Variants in DPP10 observed in about 807,000 individuals in gnomAD.
The protein encoded by DPP10 is dipeptidyl peptidase like 10, also known as inactive dipeptidyl peptidase 10.
In DPP10, 33 loss-of-function variants were observed where a neutral mutation model predicts 120.9. That is an observed-to-expected ratio of 0.27 (90% CI 0.21 to 0.37). The LOEUF is 0.37. Among genes scored for constraint, DPP10 ranks in the 10% least tolerant of loss-of-function variants. The probability of loss-of-function intolerance (pLI) is 1.00; values close to 1 mark genes in which losing one functional copy is unlikely to be tolerated. For synonymous variants in DPP10, 337 were observed against 326.1 expected (o/e 1.03, Z -0.36); for missense variants, 816 against 942.8 (o/e 0.87, Z 1.76).
At chr2:114,585,646 G>A (rs1375955712) in intron 1 of DPP10, among the ~76,000 whole-genome samples, 5 of 152,180 alleles carry the variant, frequency 3.3e-5, no homozygotes, top group African/African-American at 1.2e-4. Flanking sequence ...CAGACACCCA[G>A]ATCAAGGAAG....
chr2:115,030,682 A>G (rs969169299), intron 1 of DPP10, among the ~76,000 whole-genome samples: 1 of 152,070 alleles, frequency 6.6e-6, no homozygotes, highest in African/African-American at 2.4e-5. Context: ...GTTCCCCACC[A>G]TGTGTCCATG....
chr2:115,420,099 A>G (rs2069801830), intron 3 of DPP10, among the ~76,000 whole-genome samples: 1 of 152,164 alleles, frequency 6.6e-6, no homozygotes, highest in South Asian at 2.1e-4. Context: ...TTTTTATGAA[A>G]TATTTCGGTC....
At chr2:115,478,573 T>C (rs1270967773) in intron 3 of DPP10, among the ~76,000 whole-genome samples, 1 of 152,146 alleles carries the variant, frequency 6.6e-6, no homozygotes, top group African/African-American at 2.4e-5. Context: ...ATAAATTTTT[T>C]TAAGTGTGCA....
intron 5 of DPP10, among the ~76,000 whole-genome samples, chr2:115,657,513 T>C (rs1024440692): frequency 6.6e-6 from 1 of 151,834 alleles, no homozygotes; most frequent in Non-Finnish European, 1.5e-5. Context: ...CCTTTTAAAA[T>C]CTTCATTACT....
intron 1 of DPP10, among the ~76,000 whole-genome samples, chr2:115,268,649 G>A (rs2059560692): frequency 6.6e-6 from 1 of 152,154 alleles, no homozygotes; most frequent in Non-Finnish European, 1.5e-5. Flanking sequence ...AAATGGAGTG[G>A]AAGAGAGGCA....
In DPP10 at chr2:114,933,072, T is replaced by C. The variant is rs77997937; in HGVS notation, c.61-376167T>C. Among the ~76,000 whole-genome samples, 1,458 of 152,290 alleles carry C rather than the reference T, an allele frequency of 9.6e-3. 28 individuals are homozygous for C. Among genetic ancestry groups the C allele is most frequent in the African/African-American group, 0.033 (1,388 of 41,536 alleles). On this transcript the variant is annotated intron_variant, in intron 1 of 25. Transcript: ENST00000410059. The stretch of plus-strand genomic sequence containing the variant: ...TATGTAATAGACATAGTCTCATTTA[T>C]TCATCCTCTTTTTTTAAAAAAAACT...
At chr2:114,465,311 GC>G (rs1679264821) in intron 1 of DPP10, among the ~76,000 whole-genome samples, 1 of 152,176 alleles carries the variant, frequency 6.6e-6, no homozygotes, top group Non-Finnish European at 1.5e-5. Flanking sequence ...GTGCTTACTT[GC>G]TTTTCCCCCT....
At chr2:114,920,520 G>T (rs1695124941) in intron 1 of DPP10, among the ~76,000 whole-genome samples, 1 of 152,180 alleles carries the variant, frequency 6.6e-6, no homozygotes, top group South Asian at 2.1e-4. Context: ...ACTAGTGGAG[G>T]AGTCACTGAA....
At chr2:114,613,622 C>G (rs986230273) in intron 1 of DPP10, among the ~76,000 whole-genome samples, 1 of 152,056 alleles carries the variant, frequency 6.6e-6, no homozygotes, top group Admixed American at 6.6e-5. Flanking sequence ...GGTATATACC[C>G]AAAGGATTAT....
chr2:115,303,765 G>A (rs1003855285), intron 1 of DPP10, among the ~76,000 whole-genome samples: 1 of 151,648 alleles, frequency 6.6e-6, no homozygotes, highest in Non-Finnish European at 1.5e-5. Context: ...GCTTCATCTT[G>A]TGTGGTATCC....
At chr2:114,501,461 C>T (rs1189936777) in intron 1 of DPP10, among the ~76,000 whole-genome samples, 1 of 152,116 alleles carries the variant, frequency 6.6e-6, no homozygotes, top group East Asian at 1.9e-4. Flanking sequence ...TAGACATCTG[C>T]TCCCTGGGAC....
intron 1 of DPP10, among the ~76,000 whole-genome samples, chr2:114,970,337 C>T (rs943425041): frequency 2.0e-5 from 3 of 152,168 alleles, no homozygotes; most frequent in East Asian, 1.9e-4. Context: ...CTGGTCAAAG[C>T]GATATTTTAG....
chr2:114,976,782 C>T (rs966448837), intron 1 of DPP10, among the ~76,000 whole-genome samples: 1 of 152,086 alleles, frequency 6.6e-6, no homozygotes, highest in East Asian at 1.9e-4. Context: ...TTTATTGTGC[C>T]TATTTAGTTT....
intron 3 of DPP10, among the ~76,000 whole-genome samples, chr2:115,357,285 C>T (rs549444617): frequency 6.6e-6 from 1 of 152,324 alleles, no homozygotes; most frequent in South Asian, 2.1e-4. Context: ...TTAGTTACTT[C>T]CAAGATACAA....
At chr2:114,763,359 C>G (rs536718841) in intron 1 of DPP10, among the ~76,000 whole-genome samples, 3 of 152,304 alleles carry the variant, frequency 2.0e-5, no homozygotes, top group African/African-American at 7.2e-5. Flanking sequence ...TCTTTTTCCT[C>G]TTATGGCCTT....
chr2:114,665,334 A>G (rs1214027884), intron 1 of DPP10, among the ~76,000 whole-genome samples: 1 of 152,088 alleles, frequency 6.6e-6, no homozygotes, highest in Non-Finnish European at 1.5e-5. Flanking sequence ...ATCCCTGCAC[A>G]TCCTTCTCAC....
intron 1 of DPP10, among the ~76,000 whole-genome samples, chr2:114,977,918 T>C (rs917682746): frequency 1.3e-5 from 2 of 152,136 alleles, no homozygotes; most frequent in African/African-American, 4.8e-5. Flanking sequence ...TATCAAATTT[T>C]TTAACTGGTT....
intron 5 of DPP10, among the ~76,000 whole-genome samples, chr2:115,673,608 A>G (rs929818105): frequency 8.5e-5 from 13 of 152,112 alleles, no homozygotes; most frequent in Non-Finnish European, 1.3e-4. Flanking sequence ...CTCCTGATAC[A>G]TTTCTTAATT....
intron 5 of DPP10, among the ~76,000 whole-genome samples, chr2:115,651,828 A>G (rs1343379810): frequency 6.6e-6 from 1 of 152,018 alleles, no homozygotes; most frequent in Non-Finnish European, 1.5e-5. Flanking sequence ...GCAGATTTTT[A>G]TTGTTTTTAC....
Sources: gnomAD v4.1 joint callset for allele counts (sites outside exome capture counted in the v4.1 genomes callset) on GRCh38, gnomAD v4.1.1 for gene constraint, MANE v1.5 for transcripts, NCBI Gene and HGNC (gene_info 2026-07-23, HGNC 2026-07-21) for gene names.